The following SGCZ variants were observed in gnomAD, a reference collection of about 807,000 sequenced individuals.
SGCZ encodes the protein sarcoglycan zeta.
In SGCZ, 40 loss-of-function variants were observed where a neutral mutation model predicts 41.3. The observed-to-expected ratio is 0.97, with a 90% CI of 0.75 to 1.26. The LOEUF is 1.26. Ranked by LOEUF, SGCZ falls within the 50% of genes most tolerant of loss-of-function variation. SGCZ has a pLI of 0.00. For missense variants in SGCZ, 552 were observed against 369.8 expected (o/e 1.49, Z -4.04); for synonymous variants, 206 against 137.5 (o/e 1.50, Z -3.49).
In SGCZ at chr8:14,859,343, G is replaced by A. The variant is rs534525834; in HGVS notation, c.40-304417C>T. ...GGACCATTCATTTGATTCACATTAA[G>A]GTACTAGCAATTTAATCTACCATAA... On this transcript the variant is annotated intron_variant, in intron 1 of 7. Coordinates refer to ENST00000382080, the MANE Select transcript of SGCZ (RefSeq NM_139167.4). Among the ~76,000 whole-genome samples, 3 of 152,030 alleles carry A rather than the reference G, an allele frequency of 2.0e-5. No homozygotes were observed. The South Asian group carries it at 6.2e-4, about 32-fold the overall frequency.
chr8:15,014,271 A>G (rs539043872), intron 1 of SGCZ, among the ~76,000 whole-genome samples: 2 of 152,314 alleles, frequency 1.3e-5, no homozygotes, highest in Admixed American at 6.5e-5. Flanking sequence ...AGCCAGTTCC[A>G]TGGAGGCCAA....
chr8:14,326,187 G>A (rs1802107361), intron 2 of SGCZ, among the ~76,000 whole-genome samples: 1 of 145,502 alleles, frequency 6.9e-6, no homozygotes, highest in Non-Finnish European at 1.5e-5. Flanking sequence ...CAAGCCCAAC[G>A]TAGACAGATG....
chr8:14,906,125 AT>A (rs1799114347), intron 1 of SGCZ, among the ~76,000 whole-genome samples: 1 of 152,148 alleles, frequency 6.6e-6, no homozygotes, highest in Admixed American at 6.6e-5. Context: ...AGATAAATAA[AT>A]TAAACATGGG....
intron 2 of SGCZ, among the ~76,000 whole-genome samples, chr8:14,354,603 G>C (rs1367635840): frequency 1.3e-5 from 2 of 151,490 alleles, no homozygotes; most frequent in Non-Finnish European, 3.0e-5. Context: ...AAACTAGAGA[G>C]TTTACAACAT....
chr8:14,284,131 C>A (rs377628325), intron 3 of SGCZ, among the ~76,000 whole-genome samples: 2 of 152,202 alleles, frequency 1.3e-5, no homozygotes, highest in Non-Finnish European at 2.9e-5. Context: ...GTGGCCAATG[C>A]CTGCAATCCA....
intron 2 of SGCZ, among the ~76,000 whole-genome samples, chr8:14,380,713 A>G (rs1259024469): frequency 6.6e-6 from 1 of 152,086 alleles, no homozygotes; most frequent in Admixed American, 6.6e-5. Flanking sequence ...TTAGCTGGGC[A>G]TGGTGGTGCG....
intron 4 of SGCZ, among the ~76,000 whole-genome samples, chr8:14,205,445 T>A (rs1329241837): frequency 6.6e-6 from 1 of 152,206 alleles, no homozygotes; most frequent in African/African-American, 2.4e-5. Context: ...GTAAGAAATG[T>A]CCAATTGATA....
intron 1 of SGCZ, among the ~76,000 whole-genome samples, chr8:15,037,693 T>G (rs1803921760): frequency 1.3e-5 from 2 of 152,144 alleles, no homozygotes; most frequent in African/African-American, 4.8e-5. Flanking sequence ...TGTCCCTGTT[T>G]GAAGAGATGA....
At chr8:14,648,698 G>A (rs1221367507) in intron 1 of SGCZ, among the ~76,000 whole-genome samples, 1 of 151,846 alleles carries the variant, frequency 6.6e-6, no homozygotes, top group Non-Finnish European at 1.5e-5. Context: ...TTATCAAGGT[G>A]TGCAAGAGAC....
chr8:14,363,928 G>C (rs1055047910), intron 2 of SGCZ, among the ~76,000 whole-genome samples: 3 of 151,816 alleles, frequency 2.0e-5, no homozygotes, highest in Admixed American at 6.6e-5. Context: ...TTCCTCCTTT[G>C]CCTTTTATTT....
chr8:14,112,292 G>C (rs1324554318), intron 5 of SGCZ, among the ~76,000 whole-genome samples: 1 of 145,630 alleles, frequency 6.9e-6, no homozygotes, highest in Non-Finnish European at 1.5e-5. Context: ...GTGGGGGGGG[G>C]GTGCAAAGAA....
At chr8:15,216,665 C>T (rs1424109664) in intron 1 of SGCZ, among the ~76,000 whole-genome samples, 1 of 152,064 alleles carries the variant, frequency 6.6e-6, no homozygotes, top group Non-Finnish European at 1.5e-5. Flanking sequence ...ATATGGAAAG[C>T]ATCTTGTTAC....
At chr8:14,299,235 G>A (rs1409346351) in intron 3 of SGCZ, among the ~76,000 whole-genome samples, 1 of 151,926 alleles carries the variant, frequency 6.6e-6, no homozygotes, top group Non-Finnish European at 1.5e-5. Context: ...AGAGAACACG[G>A]TAGAAAATAT....
At chr8:14,201,260 C>A (rs13259319) in intron 4 of SGCZ, among the ~76,000 whole-genome samples, 28,738 of 151,998 alleles carry the variant, frequency 0.19, 3,614 homozygotes, top group Non-Finnish European at 0.28. Context: ...ACGTTGCTAT[C>A]CCTCCCCAGG....
rs188620546 is a variant in SGCZ at position 14,759,788 on chromosome 8, C to T, written c.40-204862G>A. The stretch of plus-strand genomic sequence containing the variant: ...TAAAGGACACCACAATATTTAAACT[C>T]GTATTAGTGAGTGTCTGTGATGGTG... On this transcript the variant is annotated intron_variant, in intron 1 of 7. Coordinates refer to ENST00000382080, the MANE Select transcript of SGCZ (RefSeq NM_139167.4). Among the ~76,000 whole-genome samples the T allele has an allele frequency of 4.1e-3, 621 of 152,172 alleles. 1 individual carries two copies. The highest frequency in any genetic ancestry group is 7.5e-3 in the South Asian group (36 of 4,812).
chr8:14,132,526 T>A (rs748278976), intron 5 of SGCZ, among the ~76,000 whole-genome samples: 2 of 152,346 alleles, frequency 1.3e-5, no homozygotes, highest in Non-Finnish European at 2.9e-5. Flanking sequence ...GTTTGTTTTA[T>A]ACTTTCTATT....
At chr8:14,131,600 T>A (rs1803043253) in intron 5 of SGCZ, among the ~76,000 whole-genome samples, 2 of 152,188 alleles carry the variant, frequency 1.3e-5, no homozygotes. Flanking sequence ...TTAAAAAGTG[T>A]CTTGTCTGAC....
chr8:14,854,639 A>C (rs1803476916), intron 1 of SGCZ, among the ~76,000 whole-genome samples: 1 of 152,214 alleles, frequency 6.6e-6, no homozygotes, highest in Non-Finnish European at 1.5e-5. Flanking sequence ...TACATACAGT[A>C]ATATAGTTTG....
In SGCZ at chr8:14,259,733, A is replaced by G. The variant is rs558747586; in HGVS notation, c.337-22054T>C. On this transcript the variant is annotated intron_variant, in intron 3 of 7. Transcript: ENST00000382080. ...CTGTAGCCTTGTAGTATAGTTTGAA[A>G]TCAGGTAGTGTGATGCCTCCAGCTT... Among the ~76,000 whole-genome samples the G allele has an allele frequency of 5.6e-3, 841 of 149,544 alleles. 10 individuals carry two copies. The highest frequency in any genetic ancestry group is 0.019 in the African/African-American group (768 of 40,862).
Sources: gnomAD v4.1 joint callset for allele counts (sites outside exome capture counted in the v4.1 genomes callset) on GRCh38, gnomAD v4.1.1 for gene constraint, MANE v1.5 for transcripts, NCBI Gene and HGNC (gene_info 2026-07-23, HGNC 2026-07-21) for gene names.